Variants in WDR20 observed in about 807,000 individuals in gnomAD.
The protein encoded by WDR20 is WD repeat-containing protein 20.
In WDR20, 3 loss-of-function variants were observed where a neutral mutation model predicts 38.7. The ratio of observed to expected loss-of-function variants is 0.08; its 90% CI spans 0.04 to 0.20. The LOEUF is 0.20. Ranked by LOEUF, WDR20 falls within the 10% of genes least tolerant of loss-of-function variation. The pLI, the probability that WDR20 is intolerant of heterozygous loss-of-function variation, is 1.00. For synonymous variants in WDR20, 298 were observed against 285.6 expected (o/e 1.04, Z -0.44); for missense variants, 559 against 727.7 (o/e 0.77, Z 2.67).
intron 1 of WDR20, among the ~76,000 whole-genome samples, chr14:102,169,917 G>A (rs552665509): frequency 1.8e-4 from 27 of 152,208 alleles, no homozygotes; most frequent in African/African-American, 6.0e-4. Context: ...TAGGTAATAC[G>A]TTCACATGGT....
At chr14:102,185,802 G>A (rs796842330) in intron 1 of WDR20, among the ~76,000 whole-genome samples, 8 of 142,234 alleles carry the variant, frequency 5.6e-5, no homozygotes, top group African/African-American at 1.1e-4. Context: ...GCGACAGAGC[G>A]AGACTCCATC....
chr14:102,170,760 T>G (rs1279886042), intron 1 of WDR20, among the ~76,000 whole-genome samples: 1 of 152,128 alleles, frequency 6.6e-6, no homozygotes. Flanking sequence ...TCTGAGCAGC[T>G]GAGACTATAG....
downstream of WDR20, chr14:102,213,019 C>T: frequency 2.0e-6 from 2 of 990,410 alleles, no homozygotes; most frequent in Non-Finnish European, 2.4e-6. Flanking sequence ...ATCCCGCTCC[C>T]ACCCGGCAAG....
intron 1 of WDR20, among the ~76,000 whole-genome samples, chr14:102,170,028 A>G (rs1237665965): frequency 1.3e-5 from 2 of 152,178 alleles, no homozygotes; most frequent in African/African-American, 4.8e-5. Context: ...TCTTGTATGT[A>G]TTTCCAGAGA....
chr14:102,192,304 C>T (rs948809566), intron 1 of WDR20, among the ~76,000 whole-genome samples: 1 of 151,904 alleles, frequency 6.6e-6, no homozygotes, highest in Non-Finnish European at 1.5e-5. Flanking sequence ...CTCAGCCTCC[C>T]GAGTAGCTGG....
chr14:102,187,038 C>G (rs2064986094), intron 1 of WDR20, among the ~76,000 whole-genome samples: 1 of 151,990 alleles, frequency 6.6e-6, no homozygotes, highest in East Asian at 1.9e-4. Flanking sequence ...AAGATAGGCC[C>G]CTAGTCGTTC....
At chr14:102,215,011 A>G (rs2063043636), downstream of WDR20, 3 of 981,980 alleles carry the variant, frequency 3.1e-6, no homozygotes, top group South Asian at 9.4e-5. Context: ...GTAAATGTAG[A>G]TAATTTTCAG....
chr14:102,195,180 G>C, intron 2 of WDR20, 60 bp downstream of exon 2: 1 of 1,564,590 alleles, frequency 6.4e-7, no homozygotes. Flanking sequence ...CATTCTTACC[G>C]AGGGTAGTCG....
At chr14:102,188,035 G>C (rs973466662) in intron 1 of WDR20, among the ~76,000 whole-genome samples, 3 of 152,110 alleles carry the variant, frequency 2.0e-5, no homozygotes, top group Non-Finnish European at 4.4e-5. Context: ...TCTCAGGTGG[G>C]GATGGGGAGG....
chr14:102,222,453 G>A lies in WDR20; in HGVS notation c.1693-377G>A, dbSNP rs2064005759. On this transcript the variant is annotated intron_variant, in intron 3 of 3. Coordinates refer to the WDR20 transcript ENST00000335263. The surrounding 1 kb of genome is among the most constrained non-coding windows in gnomAD (Gnocchi z 4.4). ...GTGCGGTCCAGAACTGCGGTGCCCT[G>A]GGCTCAACCCTGGCTGAAGGCGCTG... 6.6e-6 allele frequency among the ~76,000 whole-genome samples: 1 copy of A among 152,150 alleles called. No individual in the cohort carries two copies.
intron 2 of WDR20, among the ~76,000 whole-genome samples, chr14:102,201,398 C>T (rs2060360719): frequency 6.6e-6 from 1 of 152,038 alleles, no homozygotes; most frequent in Non-Finnish European, 1.5e-5. Flanking sequence ...AATGAAGTGC[C>T]TTAGAAAGCG....
At chr14:102,164,721 C>G (rs982989743) in intron 1 of WDR20, among the ~76,000 whole-genome samples, 1 of 152,056 alleles carries the variant, frequency 6.6e-6, no homozygotes, top group African/African-American at 2.4e-5. Context: ...CATTTTTGAC[C>G]CACTCAGTAC....
rs189021254 is a variant in WDR20, at chr14:102,142,055, C to T, written c.249+1883C>T. On this transcript the variant is annotated intron_variant, in intron 1 of 2. Coordinates refer to ENST00000342702, the MANE Select transcript of WDR20 (RefSeq NM_144574.4). Reference sequence around the variant, plus strand: ...ACAATAGTGTTCTCTTTTAGTGGGACGCTATTCCCTGAAGGGTAAAAGGAG... The same window carrying T: ...ACAATAGTGTTCTCTTTTAGTGGGATGCTATTCCCTGAAGGGTAAAAGGAG... Among the ~76,000 whole-genome samples, 479 of 152,164 alleles carry T rather than the reference C, an allele frequency of 3.1e-3. 1 individual carries two copies. Among genetic ancestry groups the T allele is most frequent in the African/African-American group, 0.011 (452 of 41,524 alleles).
chr14:102,175,140 G>C (rs1167121820), intron 1 of WDR20, among the ~76,000 whole-genome samples: 4 of 152,214 alleles, frequency 2.6e-5, no homozygotes, highest in African/African-American at 9.6e-5. Flanking sequence ...CCAATGCCTA[G>C]AAGGATTTTT....
chr14:102,201,074 C>T (rs144403220), intron 2 of WDR20, among the ~76,000 whole-genome samples: 33 of 152,318 alleles, frequency 2.2e-4, no homozygotes, highest in Non-Finnish European at 2.9e-4. Flanking sequence ...GAAATGAGCC[C>T]GTAATGATCT....
At chr14:102,156,996 A>G (rs2057570060) in intron 1 of WDR20, among the ~76,000 whole-genome samples, 1 of 152,134 alleles carries the variant, frequency 6.6e-6, no homozygotes, top group African/African-American at 2.4e-5. Flanking sequence ...GTCTCAAAAT[A>G]AAAAATAAAT....
chr14:102,193,386 CT>C, intron 1 of WDR20: 1 of 1,497,374 alleles, frequency 6.7e-7, no homozygotes, highest in South Asian at 1.1e-5. Context: ...TCAGGACTCC[CT>C]TTTGTTTTGT....
intron 1 of WDR20, among the ~76,000 whole-genome samples, chr14:102,159,774 T>C (rs1176755135): frequency 1.3e-5 from 2 of 151,772 alleles, no homozygotes; most frequent in Admixed American, 1.3e-4. Flanking sequence ...ACAGAGGTTG[T>C]AGTGAACCGA....
chr14:102,193,551 C>A (rs1247016465), intron 1 of WDR20: 1 of 1,602,028 alleles, frequency 6.2e-7, no homozygotes, highest in Non-Finnish European at 8.5e-7. Context: ...CATGCACCCT[C>A]ATTCCTTTGC....
Sources: gnomAD v4.1 joint callset for allele counts (sites outside exome capture counted in the v4.1 genomes callset) on GRCh38, gnomAD v4.1.1 for gene constraint, Gnocchi (gnomAD v3.1) non-coding constraint, MANE v1.5 for transcripts, NCBI Gene and HGNC (gene_info 2026-07-23, HGNC 2026-07-21) for gene names.